The following EFHC2 variants were observed in gnomAD, a reference collection of about 807,000 sequenced individuals.
EFHC2 encodes the protein EF-hand domain-containing family member C2.
EFHC2 carries 18 observed loss-of-function variants against 52.7 expected under a neutral mutation model. The ratio of observed to expected loss-of-function variants is 0.34; its 90% CI spans 0.24 to 0.51. The LOEUF (loss-of-function observed/expected upper bound fraction) is 0.51. Among genes scored for constraint, EFHC2 ranks in the 20% least tolerant of loss-of-function variants. EFHC2 has a pLI of 0.97. For missense variants in EFHC2, 513 were observed against 562.5 expected (o/e 0.91, Z 0.89); for synonymous variants, 203 against 204.1 (o/e 0.99, Z 0.04).
intron 13 of EFHC2, among the ~76,000 whole-genome samples, chrX:44,174,428 T>A (rs1270720107): frequency 9.0e-6 from 1 of 110,648 alleles, no homozygotes; most frequent in Non-Finnish European, 1.9e-5. Context: ...AAGTCACAAC[T>A]CTTCATTCCA....
intron 2 of EFHC2, among the ~76,000 whole-genome samples, chrX:44,311,264 C>G (rs1220027853): frequency 5.4e-5 from 6 of 110,933 alleles, no homozygotes; most frequent in Admixed American, 3.8e-4. Context: ...TCTGTTAGAT[C>G]ACTATAAGTG....
chrX:44,167,936 C>CA (rs1209499377), intron 13 of EFHC2, among the ~76,000 whole-genome samples: 1 of 111,182 alleles, frequency 9.0e-6, no homozygotes, highest in Non-Finnish European at 1.9e-5. Flanking sequence ...CCAAAATGAC[C>CA]AAAAAACAAT....
At chrX:44,256,057 A>G (rs1416557135) in intron 4 of EFHC2, among the ~76,000 whole-genome samples, 1 of 112,022 alleles carries the variant, frequency 8.9e-6, no homozygotes, top group Non-Finnish European at 1.9e-5. Context: ...GCAGAAATAA[A>G]TAAGTTCTTT....
intron 11 of EFHC2, among the ~76,000 whole-genome samples, chrX:44,200,831 A>G (rs1298281437): frequency 1.8e-5 from 2 of 112,162 alleles, no homozygotes; most frequent in Non-Finnish European, 1.9e-5. Flanking sequence ...AGACAGCCAG[A>G]GGGAATAAAG....
chrX:44,244,216 AT>A (rs765810618), intron 7 of EFHC2, among the ~76,000 whole-genome samples: 1 of 112,143 alleles, frequency 8.9e-6, no homozygotes, highest in South Asian at 3.7e-4. Context: ...CATCTAGTGT[AT>A]AAAAGCTGAG....
At chrX:44,175,866 A>G (rs1277938510) in intron 13 of EFHC2, among the ~76,000 whole-genome samples, 1 of 111,609 alleles carries the variant, frequency 9.0e-6, no homozygotes, top group African/African-American at 3.3e-5. Flanking sequence ...ATAGCATCAT[A>G]ATCTCTATGT....
At chrX:44,305,563 G>C (rs2037899530) in intron 2 of EFHC2, among the ~76,000 whole-genome samples, 1 of 112,131 alleles carries the variant, frequency 8.9e-6, no homozygotes, top group Non-Finnish European at 1.9e-5. Flanking sequence ...GAGTTTTGGG[G>C]CACCCCAAAT....
At chrX:44,152,514 C>T (rs1045281536) in intron 14 of EFHC2, among the ~76,000 whole-genome samples, 4 of 111,258 alleles carry the variant, frequency 3.6e-5, no homozygotes, top group African/African-American at 9.8e-5. Flanking sequence ...GTTCTTGAAG[C>T]GACACTACTC....
chrX:44,310,384 C>A, intron 2 of EFHC2: 1 of 987,009 alleles, frequency 1.0e-6, no homozygotes. Context: ...GCGGCCTGTT[C>A]ACCTTGTCGA....
chrX:44,203,502 C>A (rs1389001970), intron 11 of EFHC2, among the ~76,000 whole-genome samples: 1 of 111,214 alleles, frequency 9.0e-6, no homozygotes, highest in African/African-American at 3.3e-5. Context: ...GGTCGTGAGC[C>A]CTTGAGAGTG....
At chrX:44,170,809 C>G (rs1365343602) in intron 13 of EFHC2, among the ~76,000 whole-genome samples, 1 of 112,104 alleles carries the variant, frequency 8.9e-6, no homozygotes, top group African/African-American at 3.2e-5. Flanking sequence ...ATTTGCCACT[C>G]TGGAGGAAAT....
intron 3 of EFHC2, among the ~76,000 whole-genome samples, chrX:44,264,856 G>A (rs1442708740): frequency 8.9e-6 from 1 of 112,195 alleles, no homozygotes; most frequent in Admixed American, 9.4e-5. Flanking sequence ...AGGATACCAT[G>A]TCCTTGACCC....
rs772858512 is a variant in EFHC2 at position 44,256,637 on chromosome X, G to T, written c.606+4438C>A. ...AATAACAAGTTCTGAAATTGAGGCA[G>T]TAATTAATAGCCTACCAACCAAAAA... On this transcript the variant is annotated intron_variant, in intron 4 of 14. Transcript: ENST00000420999. 6.6e-4 allele frequency among the ~76,000 whole-genome samples: 74 copies of T among 111,783 alleles called. 1 individual carries two copies. The South Asian group carries it at 0.022, about 33-fold the overall frequency.
chrX:44,212,240 TA>T (rs1190962713), intron 11 of EFHC2, among the ~76,000 whole-genome samples: 1 of 111,232 alleles, frequency 9.0e-6, no homozygotes, highest in East Asian at 2.8e-4. Context: ...AAAAAAATTT[TA>T]ATGCCTTTTA....
chrX:44,190,089 C>T (rs1425358823), intron 11 of EFHC2, among the ~76,000 whole-genome samples: 1 of 111,868 alleles, frequency 8.9e-6, no homozygotes, highest in Non-Finnish European at 1.9e-5. Context: ...TTTCTATTGG[C>T]CCTTTCCTTT....
At chrX:44,292,186 TATA>T (rs2037797210) in intron 2 of EFHC2, among the ~76,000 whole-genome samples, 1 of 111,025 alleles carries the variant, frequency 9.0e-6, no homozygotes, top group South Asian at 3.7e-4. Context: ...CTTTATCTTT[TATA>T]ATATTTTTCA....
At chrX:44,304,686 A>G (rs752631736) in intron 2 of EFHC2, among the ~76,000 whole-genome samples, 3 of 111,272 alleles carry the variant, frequency 2.7e-5, no homozygotes, top group Non-Finnish European at 5.6e-5. Context: ...AATGAATTCA[A>G]TGAAATAACG....
intron 11 of EFHC2, among the ~76,000 whole-genome samples, chrX:44,217,662 A>C (rs1194457388): frequency 9.0e-6 from 1 of 110,916 alleles, no homozygotes; most frequent in Non-Finnish European, 1.9e-5. Flanking sequence ...ACCCATGGAG[A>C]TAGAGAGTAG....
At chrX:44,237,841 G>A (rs2037331956) in intron 8 of EFHC2, among the ~76,000 whole-genome samples, 1 of 110,727 alleles carries the variant, frequency 9.0e-6, no homozygotes, top group Admixed American at 9.6e-5. Flanking sequence ...TTTTCCCCAA[G>A]CTCCTAATTG....
Sources: allele counts gnomAD v4.1 joint callset (sites outside exome capture counted in the v4.1 genomes callset), GRCh38; gene constraint gnomAD v4.1.1; transcripts MANE v1.5; gene names NCBI Gene and HGNC (gene_info 2026-07-23, HGNC 2026-07-21).